DEPDC5: variants seen among roughly 807,000 people sequenced by gnomAD.
The protein encoded by DEPDC5 is GATOR1 complex protein DEPDC5.
DEPDC5 carries 73 observed loss-of-function variants against 217.3 expected under a neutral mutation model. That is an observed-to-expected ratio of 0.34 (90% CI 0.28 to 0.41). The LOEUF (loss-of-function observed/expected upper bound fraction) is 0.41. DEPDC5 is among the 10% of genes least tolerant of loss of function. The pLI is 1.00. For synonymous variants in DEPDC5, 733 were observed against 756.7 expected (o/e 0.97, Z 0.51); for missense variants, 1,675 against 2,070.1 (o/e 0.81, Z 3.70).
chr22:31,758,830 C>G (rs754361447), intron 3 of DEPDC5, among the ~76,000 whole-genome samples, 197 bp downstream of exon 3: 3 of 151,686 alleles, frequency 2.0e-5, no homozygotes, highest in Non-Finnish European at 2.9e-5. Flanking sequence ...CATAGAGGGA[C>G]CCTGTCTTAA....
intron 38 of DEPDC5, 99 bp downstream of exon 38, chr22:31,879,851 A>G: frequency 8.5e-7 from 1 of 1,177,728 alleles, no homozygotes; most frequent in Non-Finnish European, 1.2e-6. Flanking sequence ...AACCAGGATT[A>G]GAGTCGCTGA....
intron 4 of DEPDC5, among the ~76,000 whole-genome samples, chr22:31,764,193 G>A (rs2082630480): frequency 6.6e-6 from 1 of 151,958 alleles, no homozygotes; most frequent in Non-Finnish European, 1.5e-5. Context: ...ACCACATGCA[G>A]CCAATTTAAA....
chr22:31,893,833 T>C lies in DEPDC5; in HGVS notation c.4203+82T>C, dbSNP rs1423345798. The C allele has an allele frequency of 2.9e-6, 4 of 1,382,602 alleles. No individual in the cohort carries two copies. In the East Asian group the frequency reaches 1.1e-4, roughly 37 times the overall value. 85.6% of individuals were successfully genotyped at this position (1,382,602 alleles called of 1,614,324 possible). On this transcript the variant is annotated intron_variant, in intron 39 of 42. Transcript: ENST00000651528. ...GATGCTTGATAGAGATTCATGTCAC[T>C]TTAATTTTTTAGTTCAGGCTCTTAT...
chr22:31,811,155 C>G (rs374067680), intron 20 of DEPDC5, among the ~76,000 whole-genome samples: 1 of 149,394 alleles, frequency 6.7e-6, no homozygotes, highest in South Asian at 2.1e-4. Context: ...CTGCAACTTC[C>G]GCCTCCTGGG....
At chr22:31,856,187 ACAC>A in intron 31 of DEPDC5, among the ~76,000 whole-genome samples, 1 of 146,574 alleles carries the variant, frequency 6.8e-6, no homozygotes, top group Admixed American at 6.7e-5. Context: ...ACACACACAC[ACAC>A]TTCATTGCCT....
At chr22:31,779,629 C>T (rs1171554029) in intron 8 of DEPDC5, among the ~76,000 whole-genome samples, 1 of 152,136 alleles carries the variant, frequency 6.6e-6, no homozygotes, top group Non-Finnish European at 1.5e-5. Flanking sequence ...TTGAATTATG[C>T]TTTTAAGAGA....
At chr22:31,795,065 A>ATTTT (rs983604458) in intron 12 of DEPDC5, among the ~76,000 whole-genome samples, 13 of 107,378 alleles carry the variant, frequency 1.2e-4, no homozygotes, top group Admixed American at 3.3e-4. Context: ...ATTCCATGTG[A>ATTTT]TTTTTTTTTT....
At chr22:31,905,840 A>T in intron 41 of DEPDC5, 144 bp from the exon 42 acceptor site, 1 of 710,538 alleles carries the variant, frequency 1.4e-6, no homozygotes, top group Non-Finnish European at 2.3e-6. Flanking sequence ...GACAAAAATA[A>T]GCAGCCTGCA....
chr22:31,849,257 T>C lies in DEPDC5; in HGVS notation c.3155+2290T>C, dbSNP rs1228232297. Among the ~76,000 whole-genome samples, 4 of 152,136 alleles carry C rather than the reference T, an allele frequency of 2.6e-5. No individual in the cohort carries two copies. In the East Asian group the frequency reaches 7.7e-4, roughly 29 times the overall value. The stretch of plus-strand genomic sequence containing the variant: ...GGGTATCTTTACAGCAGTGCCTCAC[T>C]CCCCAGTACAAATTTACTGTATTAG... On this transcript the variant is annotated intron_variant, in intron 31 of 42. Transcript: ENST00000651528.
intron 34 of DEPDC5, among the ~76,000 whole-genome samples, chr22:31,871,459 C>T (rs1285927425): frequency 2.0e-5 from 3 of 152,166 alleles, no homozygotes; most frequent in African/African-American, 7.2e-5. Flanking sequence ...AAATTCTGTG[C>T]TGGTGTAATC....
chr22:31,845,213 G>T lies in DEPDC5; in HGVS notation c.2997G>T (p.Arg999=), dbSNP rs372078779. The part of the protein sequence containing the change: ...FVEGLNRIRR[R]HRSDRMMRKG... ...AGGGCTTGAATCGCATTCGCAGGCG[G>T]CATCGCTCGGATCGCATGATGCGGG... Residue 999 remains arginine, a synonymous_variant, in exon 30 of 43, where the codon CGG becomes CGT. Transcript: ENST00000651528. 18 of 1,614,074 alleles carry T rather than the reference G, an allele frequency of 1.1e-5. No homozygotes were observed. The African/African-American group carries it at 2.0e-4, about 18-fold the overall frequency.
At chr22:31,827,509 C>T (rs1161852666) in intron 24 of DEPDC5, among the ~76,000 whole-genome samples, 2 of 152,162 alleles carry the variant, frequency 1.3e-5, no homozygotes, top group Non-Finnish European at 2.9e-5. Context: ...TCCTCCCTTG[C>T]CCTTCCATAT....
intron 31 of DEPDC5, among the ~76,000 whole-genome samples, chr22:31,849,638 G>C (rs888206025): frequency 6.6e-6 from 1 of 151,978 alleles, no homozygotes; most frequent in Non-Finnish European, 1.5e-5. Flanking sequence ...AAAATTAGCC[G>C]GGCATGGTGG....
intron 4 of DEPDC5, among the ~76,000 whole-genome samples, chr22:31,762,251 T>G (rs2082454300): frequency 6.6e-6 from 1 of 152,124 alleles, no homozygotes; most frequent in Admixed American, 6.6e-5. Flanking sequence ...TCCCAACAAC[T>G]CTTGAGTGAG....
At chr22:31,774,106 A>AATAT (rs1003422727) in intron 7 of DEPDC5, among the ~76,000 whole-genome samples, 5 of 152,148 alleles carry the variant, frequency 3.3e-5, no homozygotes, top group African/African-American at 1.2e-4. Context: ...AACAACAAAA[A>AATAT]ATATATATAT....
chr22:31,866,109 G>A (rs1413502922), intron 33 of DEPDC5, among the ~76,000 whole-genome samples: 1 of 152,140 alleles, frequency 6.6e-6, no homozygotes, highest in Non-Finnish European at 1.5e-5. Flanking sequence ...AAGACCCATG[G>A]GGGATGCCTG....
intron 5 of DEPDC5, 78 bp from the exon 6 acceptor site, chr22:31,766,507 A>C: frequency 7.0e-7 from 1 of 1,423,910 alleles, no homozygotes; most frequent in South Asian, 1.2e-5. Flanking sequence ...GTTTTTTTCC[A>C]TGGTAAGTGG....
At chr22:31,792,899 A>G in intron 12 of DEPDC5, 82 bp downstream of exon 12, 1 of 1,217,242 alleles carries the variant, frequency 8.2e-7, no homozygotes, top group Non-Finnish European at 1.1e-6. Context: ...AGCCTGGGCA[A>G]CATGGCGAAA....
At chr22:31,873,092 A>G (rs897007403) in intron 34 of DEPDC5, 163 bp from the exon 35 acceptor site, 1 of 1,392,910 alleles carries the variant, frequency 7.2e-7, no homozygotes, top group African/African-American at 1.4e-5. Flanking sequence ...ACCCCCTATG[A>G]GATAACCCCC....
Sources: allele counts gnomAD v4.1 joint callset (sites outside exome capture counted in the v4.1 genomes callset), GRCh38; gene constraint gnomAD v4.1.1; transcripts MANE v1.5; gene names NCBI Gene and HGNC (gene_info 2026-07-23, HGNC 2026-07-21).